The following MDFIC2 variants were observed in gnomAD, a reference collection of about 807,000 sequenced individuals.
The protein encoded by MDFIC2 is myoD family inhibitor domain-containing protein 2.
intron 2 of MDFIC2, among the ~76,000 whole-genome samples, chr3:70,211,638 T>G (rs1701350542): frequency 1.5e-5 from 2 of 136,802 alleles, no homozygotes; most frequent in African/African-American, 5.5e-5. Context: ...TCCCTTCCCT[T>G]CCCTTTGCCT....
rs1436304601 is a variant in MDFIC2 at position 70,259,450 on chromosome 3, C to T, written c.88+52436G>A. On this transcript the variant is annotated intron_variant, in intron 2 of 3. Transcript: ENST00000567252. ...AAAAGAAAGAAAGTAAGCACCAAAC[C>T]TCACACCCAGGTCTGGGAGGTAGCA... 2.0e-5 allele frequency among the ~76,000 whole-genome samples: 3 copies of T among 151,850 alleles called. No individual in the cohort carries two copies. The East Asian group carries it at 5.8e-4, about 29-fold the overall frequency.
chr3:70,252,226 C>T (rs534793668), intron 2 of MDFIC2, among the ~76,000 whole-genome samples: 7 of 152,256 alleles, frequency 4.6e-5, no homozygotes, highest in African/African-American at 1.4e-4. Context: ...TCTGCAAACC[C>T]ATAGTTTCAG....
intron 2 of MDFIC2, among the ~76,000 whole-genome samples, chr3:70,215,037 A>G (rs896132585): frequency 6.6e-6 from 1 of 152,148 alleles, no homozygotes; most frequent in African/African-American, 2.4e-5. Context: ...GTGTTTAAAT[A>G]TAAATGTTAA....
Position 70,290,371 on chromosome 3 carries a change from C to T in MDFIC2, c.88+21515G>A, listed in dbSNP as rs977134017. Among the ~76,000 whole-genome samples the T allele has an allele frequency of 3.9e-5, 6 of 152,118 alleles. No individual in the cohort carries two copies. In the South Asian group the frequency reaches 8.3e-4, roughly 21 times the overall value. Reference sequence around the variant, plus strand: ...GGGGGTGCCTCCCAGTTAGGCTGCTCGGGGGCCAGGGGTCAGGGACCCACT... The same window carrying T: ...GGGGGTGCCTCCCAGTTAGGCTGCTTGGGGGCCAGGGGTCAGGGACCCACT... On this transcript the variant is annotated intron_variant, in intron 2 of 3. Transcript: ENST00000567252.
In MDFIC2 at chr3:70,196,916, C is replaced by T; in HGVS notation, c.*10G>A. The T allele has an allele frequency of 2.5e-6, 1 of 398,526 alleles. No individual in the cohort carries two copies. Among genetic ancestry groups the T allele is most frequent in the Non-Finnish European group, 4.4e-6 (1 of 225,992 alleles). 24.7% of individuals were successfully genotyped at this position (398,526 alleles called of 1,614,324 possible). A position where few individuals can be genotyped will look rare whatever the true frequency, so the allele number is the denominator to read the frequency against. ...CAAAAGGACTGCCGGAATGTGGTTA[C>T]TTCACTGTGCTAGCGGTAACAGATT... On this transcript the variant is annotated 3_prime_UTR_variant, in exon 4 of 4. Coordinates refer to ENST00000567252, the MANE Select transcript of MDFIC2 (RefSeq NM_001364677.1).
At chr3:70,248,333 G>A (rs1337974769) in intron 2 of MDFIC2, among the ~76,000 whole-genome samples, 2 of 152,094 alleles carry the variant, frequency 1.3e-5, no homozygotes, top group Admixed American at 6.6e-5. Flanking sequence ...CTCTGAAGGA[G>A]TTTATAAATG....
chr3:70,230,059 C>T (rs1009178412), intron 2 of MDFIC2, among the ~76,000 whole-genome samples: 2 of 152,144 alleles, frequency 1.3e-5, no homozygotes, highest in East Asian at 3.9e-4. Context: ...TTGCTGCCAT[C>T]CCCATTAAAA....
At chr3:70,262,451 T>A (rs1024002577) in intron 2 of MDFIC2, among the ~76,000 whole-genome samples, 4 of 152,178 alleles carry the variant, frequency 2.6e-5, no homozygotes, top group Non-Finnish European at 4.4e-5. Flanking sequence ...AGAAATGAAA[T>A]AAGACCAGTT....
chr3:70,215,671 G>GT (rs1418598522), intron 2 of MDFIC2, among the ~76,000 whole-genome samples: 2 of 152,062 alleles, frequency 1.3e-5, no homozygotes, highest in Admixed American at 1.3e-4. Flanking sequence ...AATTTTGGAT[G>GT]TATTTCTCCT....
At chr3:70,301,294 A>G (rs1702346192) in intron 2 of MDFIC2, among the ~76,000 whole-genome samples, 1 of 152,126 alleles carries the variant, frequency 6.6e-6, no homozygotes. Flanking sequence ...ATCTGCATGT[A>G]AGGAATTGGG....
rs961206007 is a variant in MDFIC2, at chr3:70,206,570, A to G, written c.309T>C (p.Asp103=). The change falls in exon 3 of 4, where the codon GAT becomes GAC. Residue 103 remains aspartate, a splice_region_variant and synonymous_variant. Transcript: ENST00000567252. ...TGGGTTGAATTCTGAGAAACATACC[A>G]TCAGTGTCTCTGTGATGAACTGAAG... is the stretch of plus-strand genomic sequence containing the variant. The part of the protein sequence containing the change: ...TDTSVHHRDT[D]EECASLILAC... The G allele has an allele frequency of 7.5e-6, 3 of 397,596 alleles. No homozygotes were observed. The highest frequency in any genetic ancestry group is 1.3e-5 in the Non-Finnish European group (3 of 225,440). 24.6% of individuals were successfully genotyped at this position (397,596 alleles called of 1,614,324 possible). A position where few individuals can be genotyped will look rare whatever the true frequency, so the allele number is the denominator to read the frequency against.
At chr3:70,227,245 G>A (rs1701516709) in intron 2 of MDFIC2, among the ~76,000 whole-genome samples, 1 of 152,168 alleles carries the variant, frequency 6.6e-6, no homozygotes, top group Non-Finnish European at 1.5e-5. Context: ...TTATCTCACT[G>A]TTCTTTTTAA....
At chr3:70,243,938 G>C (rs1407934650) in intron 2 of MDFIC2, among the ~76,000 whole-genome samples, 1 of 152,138 alleles carries the variant, frequency 6.6e-6, no homozygotes, top group Non-Finnish European at 1.5e-5. Context: ...GAGGAGGTAA[G>C]GGTCACCTTT....
chr3:70,219,835 G>T (rs1370875156), intron 2 of MDFIC2, among the ~76,000 whole-genome samples: 4 of 152,036 alleles, frequency 2.6e-5, no homozygotes, highest in Non-Finnish European at 5.9e-5. Context: ...AAACTCAAAG[G>T]TCAGAACATA....
chr3:70,293,638 CA>C (rs1702261384), intron 2 of MDFIC2, among the ~76,000 whole-genome samples: 2 of 152,028 alleles, frequency 1.3e-5, no homozygotes, highest in Admixed American at 1.3e-4. Flanking sequence ...CCAAATAAGA[CA>C]TTTTTTTGTA....
intron 2 of MDFIC2, among the ~76,000 whole-genome samples, chr3:70,299,238 G>T (rs1004527706): frequency 6.3e-4 from 96 of 152,042 alleles, no homozygotes; most frequent in African/African-American, 2.1e-3. Flanking sequence ...CCCTAGAAAG[G>T]TGTTCACATT....
intron 2 of MDFIC2, chr3:70,283,944 C>G (rs1389288025): frequency 6.6e-6 from 1 of 152,034 alleles, no homozygotes. Flanking sequence ...ATTAACTCTG[C>G]TTTACTTCTG....
intron 2 of MDFIC2, among the ~76,000 whole-genome samples, chr3:70,247,040 G>A (rs1032880818): frequency 1.3e-5 from 2 of 151,892 alleles, no homozygotes; most frequent in Non-Finnish European, 2.9e-5. Context: ...TACCACGAAG[G>A]ATAGTTATTT....
intron 2 of MDFIC2, among the ~76,000 whole-genome samples, chr3:70,271,043 G>T (rs1200111457): frequency 6.6e-6 from 1 of 151,814 alleles, no homozygotes; most frequent in African/African-American, 2.4e-5. Flanking sequence ...TAATAAAAAA[G>T]AAATATTGAA....
Sources: gnomAD v4.1 joint callset for allele counts (sites outside exome capture counted in the v4.1 genomes callset) on GRCh38, gnomAD v4.1.1 for gene constraint, MANE v1.5 for transcripts, NCBI Gene and HGNC (gene_info 2026-07-23, HGNC 2026-07-21) for gene names.